Variants in AP1G2 observed in about 807,000 individuals in gnomAD.
AP1G2 encodes adaptor related protein complex 1 subunit gamma 2.
A neutral mutation model predicts 95.8 loss-of-function variants in AP1G2; 85 were observed. The observed-to-expected ratio is 0.89, with a 90% CI of 0.74 to 1.06. AP1G2 has a LOEUF of 1.06. Ranked by LOEUF, AP1G2 falls within the 50% of genes least tolerant of loss-of-function variation. The probability of loss-of-function intolerance (pLI) is 0.00; values close to 1 mark genes in which losing one functional copy is unlikely to be tolerated. For missense variants in AP1G2, 967 were observed against 1,005.8 expected (o/e 0.96, Z 0.52); for synonymous variants, 378 against 400.0 (o/e 0.94, Z 0.66).
chr14:23,564,684 T>C (rs748066390), intron 8 of AP1G2, 24 bp from the exon 9 acceptor site: 6 of 1,598,590 alleles, frequency 3.8e-6, no homozygotes, highest in East Asian at 4.5e-5. Context: ...AGAGGAGATG[T>C]ATCTGCTCAA....
Position 23,560,388 on chromosome 14 carries a change from C to T in AP1G2, c.2024G>A (p.Arg675His), listed in dbSNP as rs546355248. The change falls in exon 20 of 22, where the codon CGT becomes CAT. Residue 675 changes from arginine to histidine, a missense_variant. Coordinates refer to ENST00000397120, the MANE Select transcript of AP1G2 (RefSeq NM_003917.5). ...AGACAGATTCAGCTGTACTCCCTCA[C>T]GCTCAAACACTTTGAGATCTGGGAT... ...APIPDLKVFE[R>H]EGVQLNLSFI... is the part of the protein sequence containing the mutation. 84 of 1,613,920 alleles carry T rather than the reference C, an allele frequency of 5.2e-5. No individual in the cohort carries two copies. Among genetic ancestry groups the T allele is most frequent in the East Asian group, 1.6e-4 (7 of 44,886 alleles).
Position 23,567,688 on chromosome 14 carries a change from G to A in AP1G2, c.-6+51C>T. On this transcript the variant is annotated intron_variant, in intron 1 of 21. Coordinates refer to ENST00000397120, the MANE Select transcript of AP1G2 (RefSeq NM_003917.5). This position sits in a 1 kb window ranked among gnomAD's most constrained non-coding sequence, Gnocchi z 5.3. ...GCTTCCTCCCCCGATTTCCATCTCAGGCAGCGGCAGCGGCAGCGACAGCCT... is the reference window on the plus strand; with the variant it reads ...GCTTCCTCCCCCGATTTCCATCTCAAGCAGCGGCAGCGGCAGCGACAGCCT... The A allele has an allele frequency of 9.6e-7, 1 of 1,039,120 alleles. No homozygotes were observed. The highest frequency in any genetic ancestry group is 1.2e-6 in the Non-Finnish European group (1 of 863,754). The allele number at this position is 1,039,120 out of a possible 1,614,324, so 64.4% of individuals were successfully genotyped here. A position where few individuals can be genotyped will look rare whatever the true frequency, so the allele number is the denominator to read the frequency against.
chr14:23,564,831 A>G (rs1159670714), intron 8 of AP1G2, 171 bp from the exon 9 acceptor site: 8 of 657,354 alleles, frequency 1.2e-5, no homozygotes, highest in Non-Finnish European at 7.9e-6. Flanking sequence ...GCACATGCCA[A>G]CAAGCCCAGG....
chr14:23,566,991 G>A, intron 2 of AP1G2, 120 bp downstream of exon 2: 1 of 1,127,472 alleles, frequency 8.9e-7, no homozygotes, highest in Non-Finnish European at 1.2e-6. Context: ...TGCAGTGCAG[G>A]CTGTGAAGAC....
chr14:23,563,303 C>A, intron 14 of AP1G2, 77 bp downstream of exon 14: 1 of 1,540,056 alleles, frequency 6.5e-7, no homozygotes. Context: ...AAATTGGAAT[C>A]TAGTAGGGAG....
chr14:23,566,898 G>A, intron 2 of AP1G2: 1 of 886,586 alleles, frequency 1.1e-6, no homozygotes, highest in Non-Finnish European at 1.7e-6. Flanking sequence ...AGGAGGAGAT[G>A]CCTGCCCTAA....
chr14:23,565,270 C>T (rs1041531560), intron 7 of AP1G2, 71 bp from the exon 8 acceptor site: 1 of 1,487,016 alleles, frequency 6.7e-7, no homozygotes, highest in African/African-American at 1.4e-5. Flanking sequence ...GAGGAGAAAA[C>T]TCCAACATGT....
intron 17 of AP1G2, 106 bp downstream of exon 17, chr14:23,561,856 G>T: frequency 6.7e-7 from 1 of 1,488,556 alleles, no homozygotes. Flanking sequence ...CTCTCACCGT[G>T]GATATGGAAG....
rs753591811 is a variant in AP1G2, at chr14:23,562,336, G to T, written c.1580C>A (p.Ala527Asp). Reference sequence around the variant, plus strand: ...GCTGAGCTTCATGAGGGCTGTGAGGGCATATCCTCGAGTGGCTGGCAGGGA... The same window carrying T: ...GCTGAGCTTCATGAGGGCTGTGAGGTCATATCCTCGAGTGGCTGGCAGGGA... ...HMSLPATRGY[A>D]LTALMKLSTR... The change falls in exon 16 of 22, where the codon GCC becomes GAC. Residue 527 changes from alanine to aspartate, a missense_variant. Physicochemically the swap from Ala to Asp is moderately radical, Grantham distance 126. Transcript: ENST00000397120. 5 of 1,614,088 alleles carry T rather than the reference G, an allele frequency of 3.1e-6. No homozygotes were observed. The East Asian group carries it at 1.1e-4, about 36-fold the overall frequency.
At chr14:23,563,037 G>A in intron 14 of AP1G2, 1 of 1,184,554 alleles carries the variant, frequency 8.4e-7, no homozygotes, top group Non-Finnish European at 1.1e-6. Context: ...GGAAAAGGGG[G>A]CTATAGATAC....
intron 14 of AP1G2, 58 bp from the exon 15 acceptor site, chr14:23,562,651 C>G: frequency 6.4e-7 from 1 of 1,562,962 alleles, no homozygotes; most frequent in South Asian, 1.1e-5. Context: ...GCCTGTAATC[C>G]CAGCGCATTG....
At position 23,563,791 on chromosome 14, in the gene AP1G2, A is replaced by G; in HGVS notation, c.1157T>C (p.Leu386Pro). Residue 386 changes from leucine to proline, a missense_variant, in exon 12 of 22, where the codon CTG becomes CCG. Transcript: ENST00000397120. ...SSNVRAMMQELQAFLESCPPD... is the reference protein window; with the variant it reads ...SSNVRAMMQEPQAFLESCPPD... ...AGGGCAGGACTCCAGAAAGGCCTGC[A>G]GCTCTTGCATCATGGCTCGCACATT... is the stretch of plus-strand genomic sequence containing the variant. 1 of 1,614,186 alleles carries G rather than the reference A, an allele frequency of 6.2e-7. No individual in the cohort carries two copies. The highest frequency in any genetic ancestry group is 1.6e-4 in the Middle Eastern group (1 of 6,062).
chr14:23,561,339 G>C lies in AP1G2; in HGVS notation c.1950C>G (p.Ala650=). 6.3e-7 allele frequency: 1 copy of C among 1,577,984 alleles called. No individual in the cohort carries two copies. Among genetic ancestry groups the C allele is most frequent in the Non-Finnish European group, 8.6e-7 (1 of 1,161,140 alleles). Residue 650 remains alanine, a synonymous_variant, in exon 19 of 22, where the codon GCC becomes GCG. Coordinates refer to ENST00000397120, the MANE Select transcript of AP1G2 (RefSeq NM_003917.5). ...PPHLDPSPGG[A]LVHLLDLPCV... ...AGGGAAGGTCAAGCAGGTGTACCAGGGCACCTCCTGGGGAGGGGTCCAGAT... is the reference window on the plus strand; with the variant it reads ...AGGGAAGGTCAAGCAGGTGTACCAGCGCACCTCCTGGGGAGGGGTCCAGAT...
rs141367321 is a variant in AP1G2, at chr14:23,564,100, C to T, written c.1037G>A (p.Arg346Gln). ...LVQSDHSAVQRHRPTVVECLR... is the reference protein window; with the variant it reads ...LVQSDHSAVQQHRPTVVECLR... ...ACATTCCACCACAGTGGGCCGATGC[C>T]GCTGCACAGCACTGTGATCAGACTG... is the stretch of plus-strand genomic sequence containing the variant. Residue 346 changes from arginine (R) to glutamine (Q), a missense_variant, in exon 11 of 22, where the codon CGG becomes CAG. Coordinates refer to ENST00000397120, the MANE Select transcript of AP1G2 (RefSeq NM_003917.5). 38 of 1,614,078 alleles carry T rather than the reference C, an allele frequency of 2.4e-5. No individual in the cohort carries two copies. Among genetic ancestry groups the T allele is most frequent in the South Asian group, 8.8e-5 (8 of 91,090 alleles).
chr14:23,559,889 G>A lies in AP1G2; in HGVS notation c.2257-39C>T, dbSNP rs770663510. The A allele has an allele frequency of 8.1e-6, 13 of 1,611,530 alleles. 1 individual carries two copies. The highest frequency in any genetic ancestry group is 6.7e-5 in the Admixed American group (4 of 59,896). ...AGCAGGGACCAGGGTTAGCACCCACGGCTTCTTCTATCCCTGGGTCTTGTC... is the reference window on the plus strand; with the variant it reads ...AGCAGGGACCAGGGTTAGCACCCACAGCTTCTTCTATCCCTGGGTCTTGTC... On this transcript the variant is annotated intron_variant, in intron 21 of 21. Coordinates refer to ENST00000397120, the MANE Select transcript of AP1G2 (RefSeq NM_003917.5).
intron 17 of AP1G2, 89 bp downstream of exon 17, chr14:23,561,873 G>C: frequency 6.6e-7 from 1 of 1,511,244 alleles, no homozygotes; most frequent in Non-Finnish European, 8.9e-7. Context: ...GAAGAACACA[G>C]GTGAGGATGA....
chr14:23,565,949 CGTGTGTGCCTGT>C (rs1566659021), intron 5 of AP1G2, 57 bp from the exon 6 acceptor site: 2 of 1,604,336 alleles, frequency 1.2e-6, no homozygotes, highest in Admixed American at 1.7e-5. Context: ...GAGTCTATTG[CGTGTGTGCCTGT>C]GTGTGTGCAC....
intron 8 of AP1G2, 77 bp downstream of exon 8, chr14:23,565,042 A>C: frequency 7.4e-7 from 1 of 1,358,082 alleles, no homozygotes; most frequent in South Asian, 1.2e-5. Flanking sequence ...CTGCACAGTG[A>C]CGAGTCATGT....
Position 23,566,697 on chromosome 14 carries a change from G to A in AP1G2, c.205-11C>T, listed in dbSNP as rs1271807187. The A allele has an allele frequency of 8.1e-6, 13 of 1,613,808 alleles. No homozygotes were observed. The highest frequency in any genetic ancestry group is 1.0e-5 in the Non-Finnish European group (12 of 1,179,826). On this transcript the variant is annotated splice_polypyrimidine_tract_variant and intron_variant, in intron 2 of 21. Coordinates refer to ENST00000397120, the MANE Select transcript of AP1G2 (RefSeq NM_003917.5). ...TTTCAGGCACTCCATCTATAGTGAA[G>A]GGGGCAGACCAGGAAGAGGCAGGGG... is the stretch of plus-strand genomic sequence containing the variant.
Sources: gnomAD v4.1 joint callset for allele counts on GRCh38, gnomAD v4.1.1 for gene constraint, Gnocchi (gnomAD v3.1) non-coding constraint, MANE v1.5 for transcripts, NCBI Gene and HGNC (gene_info 2026-07-23, HGNC 2026-07-21) for gene names.